The following DNAI4 variants were observed in gnomAD, a reference collection of about 807,000 sequenced individuals.
DNAI4 encodes WD repeat domain 78.
DNAI4 carries 85 observed loss-of-function variants against 105.8 expected under a neutral mutation model. The ratio of observed to expected loss-of-function variants is 0.80; its 90% CI spans 0.67 to 0.96. DNAI4 has a LOEUF of 0.96. DNAI4 is among the 40% of genes least tolerant of loss of function. The pLI, the probability that DNAI4 is intolerant of heterozygous loss-of-function variation, is 0.00. For missense variants in DNAI4, 1,014 were observed against 1,005.6 expected (o/e 1.01, Z -0.11); for synonymous variants, 352 against 331.5 (o/e 1.06, Z -0.67).
chr1:66,850,985 G>T (rs550090577), intron 7 of DNAI4, among the ~76,000 whole-genome samples: 1 of 151,710 alleles, frequency 6.6e-6, no homozygotes, highest in East Asian at 1.9e-4. Flanking sequence ...AGACTTAAGG[G>T]CTAACATGCG....
At chr1:66,871,717 C>T (rs555299406) in intron 5 of DNAI4, among the ~76,000 whole-genome samples, 17 of 152,286 alleles carry the variant, frequency 1.1e-4, no homozygotes, top group Admixed American at 9.2e-4. Flanking sequence ...CCCAACATCC[C>T]TACTACTATC....
intron 1 of DNAI4, among the ~76,000 whole-genome samples, chr1:66,919,388 A>T (rs1482916118): frequency 6.6e-6 from 1 of 152,240 alleles, no homozygotes; most frequent in Non-Finnish European, 1.5e-5. Flanking sequence ...ATTTAAGGAG[A>T]ACAAACACCT....
At chr1:66,815,977 C>T (rs897263450) in intron 16 of DNAI4, among the ~76,000 whole-genome samples, 7 of 152,024 alleles carry the variant, frequency 4.6e-5, no homozygotes, top group Non-Finnish European at 7.4e-5. Context: ...TTGCTGTCAT[C>T]GGGAAGGGGC....
At chr1:66,881,999 CTT>C (rs796880280) in intron 4 of DNAI4, among the ~76,000 whole-genome samples, 8 of 152,306 alleles carry the variant, frequency 5.3e-5, no homozygotes, top group African/African-American at 1.9e-4. Context: ...AACAACCTCT[CTT>C]GTTTGCGTGC....
intron 8 of DNAI4, among the ~76,000 whole-genome samples, chr1:66,841,652 T>C (rs1646151000): frequency 2.0e-5 from 3 of 152,170 alleles, no homozygotes; most frequent in African/African-American, 7.2e-5. Flanking sequence ...ATTACAGACA[T>C]GAGCCACTGC....
At chr1:66,828,051 C>A (rs1645791973) in intron 13 of DNAI4, 141 bp from the exon 14 acceptor site, 1 of 465,020 alleles carries the variant, frequency 2.2e-6, no homozygotes, top group Middle Eastern at 5.3e-4. Flanking sequence ...CCAATCTTGT[C>A]TTTTTCTTTT....
At chr1:66,887,958 C>CAA (rs58481664) in intron 4 of DNAI4, among the ~76,000 whole-genome samples, 1 of 144,258 alleles carries the variant, frequency 6.9e-6, no homozygotes. Flanking sequence ...GACTTTGTCT[C>CAA]AAAAAAAAAA....
chr1:66,818,041 T>C (rs1217756923), intron 16 of DNAI4, among the ~76,000 whole-genome samples: 4 of 152,204 alleles, frequency 2.6e-5, no homozygotes, highest in Non-Finnish European at 5.9e-5. Context: ...TAAAAAATGA[T>C]GCAGCAAATG....
intron 1 of DNAI4, among the ~76,000 whole-genome samples, chr1:66,918,775 A>C (rs1159214440): frequency 6.6e-6 from 1 of 152,186 alleles, no homozygotes; most frequent in Non-Finnish European, 1.5e-5. Context: ...TTTTCTTCTA[A>C]AATGTTTTCT....
chr1:66,910,864 C>G (rs1649606580), intron 1 of DNAI4, among the ~76,000 whole-genome samples: 1 of 152,152 alleles, frequency 6.6e-6, no homozygotes, highest in Non-Finnish European at 1.5e-5. Context: ...GTGGAAAAAA[C>G]ATAAACTGTT....
chr1:66,861,130 G>A (rs1569616689), intron 7 of DNAI4, among the ~76,000 whole-genome samples: 1 of 152,140 alleles, frequency 6.6e-6, no homozygotes, highest in East Asian at 1.9e-4. Flanking sequence ...AGGAAATGTA[G>A]TCAGTTATAA....
At chr1:66,837,546 T>C (rs1646054079) in intron 10 of DNAI4, 164 bp downstream of exon 10, 2 of 827,794 alleles carry the variant, frequency 2.4e-6, no homozygotes, top group Admixed American at 3.1e-5. Context: ...CTTTACCCTA[T>C]GTCAACAAGA....
chr1:66,879,596 C>T (rs75505665), intron 4 of DNAI4, among the ~76,000 whole-genome samples: 40 of 152,234 alleles, frequency 2.6e-4, no homozygotes, highest in East Asian at 7.7e-4. Context: ...TAGTTTTATG[C>T]GAAATTGTCA....
At chr1:66,924,514 G>A (rs995808385) in intron 1 of DNAI4, 148 bp downstream of exon 1, 7 of 1,086,546 alleles carry the variant, frequency 6.4e-6, no homozygotes, top group South Asian at 5.6e-5. Flanking sequence ...CGATAAAGGA[G>A]ACATTGTGGC....
intron 9 of DNAI4, among the ~76,000 whole-genome samples, chr1:66,838,037 A>T (rs1646068793): frequency 6.6e-6 from 1 of 152,156 alleles, no homozygotes; most frequent in Non-Finnish European, 1.5e-5. Context: ...AAAATAACCA[A>T]TTGCTAACAA....
At chr1:66,839,014 T>C (rs974843286) in intron 9 of DNAI4, among the ~76,000 whole-genome samples, 1 of 152,248 alleles carries the variant, frequency 6.6e-6, no homozygotes, top group African/African-American at 2.4e-5. Flanking sequence ...ATCTGTAATA[T>C]GTTTGTATTT....
intron 5 of DNAI4, among the ~76,000 whole-genome samples, chr1:66,872,170 A>C (rs1323996636): frequency 6.6e-6 from 1 of 151,994 alleles, no homozygotes; most frequent in Admixed American, 6.6e-5. Flanking sequence ...ATATGTATCA[A>C]GTTTCCAATT....
At chr1:66,898,147 A>G (rs1407957316) in intron 2 of DNAI4, among the ~76,000 whole-genome samples, 1 of 152,194 alleles carries the variant, frequency 6.6e-6, no homozygotes, top group Non-Finnish European at 1.5e-5. Context: ...GACTGTTTTG[A>G]GACCTATTAT....
rs752629613 is a variant in DNAI4 at position 66,847,497 on chromosome 1, A to C, written c.1278T>G (p.Leu426=). The change falls in exon 8 of 17, where the codon CTT becomes CTG. Residue 426 remains leucine (L), a synonymous_variant. Transcript: ENST00000371026. ...TTTTTTAAATACCTTTTAAAACAGG[A>C]AGCTGACGATAAGCTGCAAGTTTGG... The part of the protein sequence containing the change: ...FQPKLAAYRQ[L]PVLKEPEPEE... 1.2e-6 allele frequency: 2 copies of C among 1,612,548 alleles called. No individual in the cohort carries two copies. The highest frequency in any genetic ancestry group is 1.7e-6 in the Non-Finnish European group (2 of 1,179,728).
Sources: gnomAD v4.1 joint callset for allele counts (sites outside exome capture counted in the v4.1 genomes callset) on GRCh38, gnomAD v4.1.1 for gene constraint, MANE v1.5 for transcripts, NCBI Gene and HGNC (gene_info 2026-07-23, HGNC 2026-07-21) for gene names.